The following NUMB variants were observed in gnomAD, a reference collection of about 807,000 sequenced individuals.
NUMB encodes NUMB endocytic adaptor protein, also known as protein numb homolog.
NUMB carries 29 observed loss-of-function variants against 59.7 expected under a neutral mutation model. The observed-to-expected ratio is 0.49, with a 90% CI of 0.36 to 0.66. The LOEUF is 0.66. Ranked by LOEUF, NUMB falls within the 30% of genes least tolerant of loss-of-function variation. NUMB has a pLI of 0.00. For missense variants in NUMB, 723 were observed against 822.0 expected (o/e 0.88, Z 1.47); for synonymous variants, 288 against 288.2 (o/e 1.00, Z 0.01).
chr14:73,437,603 T>C (rs7158602), intron 1 of NUMB, among the ~76,000 whole-genome samples: 4,227 of 152,314 alleles, frequency 0.028, 154 homozygotes, highest in South Asian at 0.16. Context: ...TAAAAAAGAA[T>C]GTATTACTGA....
intron 1 of NUMB, among the ~76,000 whole-genome samples, chr14:73,411,387 C>T (rs969993694): frequency 1.3e-5 from 2 of 151,638 alleles, no homozygotes; most frequent in Admixed American, 6.6e-5. Flanking sequence ...ATTGCAGATA[C>T]CACAGAATTG....
At chr14:73,363,737 C>T (rs1020428405) in intron 3 of NUMB, among the ~76,000 whole-genome samples, 13 of 151,988 alleles carry the variant, frequency 8.6e-5, no homozygotes, top group Admixed American at 1.3e-4. Context: ...CTGCTTAAGC[C>T]CAGGAGTTCA....
intron 8 of NUMB, among the ~76,000 whole-genome samples, chr14:73,292,083 G>C (rs1232146336): frequency 6.6e-6 from 1 of 152,088 alleles, no homozygotes; most frequent in Non-Finnish European, 1.5e-5. Flanking sequence ...CTGTCACCCA[G>C]GCTGGAGTGT....
At chr14:73,409,347 T>C (rs1896810380) in intron 2 of NUMB, 2 of 152,408 alleles carry the variant, frequency 1.3e-5, no homozygotes, top group South Asian at 4.1e-4. Flanking sequence ...CCAGGCACCA[T>C]GCTGTGAAGA....
intron 4 of NUMB, among the ~76,000 whole-genome samples, chr14:73,339,044 GCAGGTATCTTA>G (rs1892496673): frequency 6.6e-6 from 1 of 152,106 alleles, no homozygotes; most frequent in Non-Finnish European, 1.5e-5. Context: ...GTCTACATTT[GCAGGTATCTTA>G]CCCACTGCAA....
intron 1 of NUMB, among the ~76,000 whole-genome samples, chr14:73,440,666 C>A (rs1882989918): frequency 6.6e-6 from 1 of 151,292 alleles, no homozygotes; most frequent in African/African-American, 2.4e-5. Flanking sequence ...CCCATCTCTA[C>A]TAAAAATACA....
intron 7 of NUMB, among the ~76,000 whole-genome samples, chr14:73,293,395 T>C (rs1889535197): frequency 7.9e-5 from 1 of 12,592 alleles, no homozygotes; most frequent in African/African-American, 4.2e-4. Context: ...TTCTTTTTCT[T>C]TTTTTTTTTT....
intron 1 of NUMB, among the ~76,000 whole-genome samples, chr14:73,452,923 T>C (rs1165317458): frequency 6.6e-6 from 1 of 152,152 alleles, no homozygotes; most frequent in East Asian, 1.9e-4. Flanking sequence ...AATAAGTCCA[T>C]AGGAGAATGT....
intron 1 of NUMB, among the ~76,000 whole-genome samples, chr14:73,452,441 G>A (rs1397854080): frequency 6.6e-6 from 1 of 152,010 alleles, no homozygotes; most frequent in African/African-American, 2.4e-5. Flanking sequence ...GATCACCTGA[G>A]CCCAGAATGT....
intron 4 of NUMB, among the ~76,000 whole-genome samples, chr14:73,333,063 G>T (rs557290513): frequency 6.6e-6 from 1 of 152,230 alleles, no homozygotes; most frequent in South Asian, 2.1e-4. Flanking sequence ...TATTTTTCTT[G>T]AAGTACCTGT....
intron 1 of NUMB, among the ~76,000 whole-genome samples, chr14:73,421,739 C>T (rs1897353674): frequency 6.6e-6 from 1 of 152,102 alleles, no homozygotes; most frequent in East Asian, 1.9e-4. Flanking sequence ...ACAATTTGCC[C>T]CAGGTTAATA....
At chr14:73,313,446 T>C (rs1477629905) in intron 6 of NUMB, among the ~76,000 whole-genome samples, 4 of 151,654 alleles carry the variant, frequency 2.6e-5, no homozygotes, top group African/African-American at 9.7e-5. Flanking sequence ...TGCTTTCTGA[T>C]GGTTCAATGT....
chr14:73,334,994 CAT>C (rs1395082499), intron 4 of NUMB, among the ~76,000 whole-genome samples: 1 of 149,640 alleles, frequency 6.7e-6, no homozygotes, highest in Non-Finnish European at 1.5e-5. Flanking sequence ...CAAGTATTCA[CAT>C]ATCTTAATTT....
intron 9 of NUMB, chr14:73,285,572 G>A (rs1239566721): frequency 1.3e-5 from 2 of 150,184 alleles, no homozygotes; most frequent in Admixed American, 1.3e-4. Context: ...CTTTTTTTTT[G>A]GAGGGGGCTT....
At chr14:73,277,841 TGAGGTCAAGAGATCGAGA>T (rs1456250719) in intron 12 of NUMB, among the ~76,000 whole-genome samples, 1 of 151,818 alleles carries the variant, frequency 6.6e-6, no homozygotes, top group African/African-American at 2.4e-5. Context: ...GCAGATCACC[TGAGGTCAAGAGATCGAGA>T]CTATCCTGGC....
chr14:73,384,674 C>G (rs1254477750), intron 2 of NUMB, among the ~76,000 whole-genome samples: 2 of 152,006 alleles, frequency 1.3e-5, no homozygotes, highest in Non-Finnish European at 2.9e-5. Flanking sequence ...CTCAAACCAT[C>G]CTCCCACCTC....
intron 2 of NUMB, among the ~76,000 whole-genome samples, chr14:73,393,731 G>C (rs1212564952): frequency 6.6e-6 from 1 of 152,052 alleles, no homozygotes; most frequent in Non-Finnish European, 1.5e-5. Flanking sequence ...GTGAATTCTG[G>C]CTCCTAATCT....
At chr14:73,377,838 G>A (rs147268200) in intron 2 of NUMB, among the ~76,000 whole-genome samples, 5 of 152,200 alleles carry the variant, frequency 3.3e-5, no homozygotes, top group East Asian at 1.9e-4. Flanking sequence ...GTGTTGGCGG[G>A]TACCTGTAAT....
At chr14:73,280,140 G>C (rs568190952) in intron 11 of NUMB, among the ~76,000 whole-genome samples, 1 of 151,486 alleles carries the variant, frequency 6.6e-6, no homozygotes, top group Admixed American at 6.6e-5. Flanking sequence ...CTGGGCAACA[G>C]AGTAAGACTC....
Sources: allele counts gnomAD v4.1 joint callset (sites outside exome capture counted in the v4.1 genomes callset), GRCh38; gene constraint gnomAD v4.1.1; transcripts MANE v1.5; gene names NCBI Gene and HGNC (gene_info 2026-07-23, HGNC 2026-07-21).